Variants in EVL observed in about 807,000 individuals in gnomAD.
The protein encoded by EVL is Enah/Vasp-like.
A neutral mutation model predicts 59.6 loss-of-function variants in EVL; 21 were observed. The observed-to-expected ratio is 0.35, with a 90% CI of 0.25 to 0.51. EVL has a LOEUF of 0.51. EVL is among the 20% of genes least tolerant of loss of function. The pLI is 0.97. For missense variants in EVL, 462 were observed against 546.6 expected (o/e 0.85, Z 1.54); for synonymous variants, 198 against 203.5 (o/e 0.97, Z 0.23).
At chr14:100,100,732 C>T (rs1449490031) in intron 3 of EVL, among the ~76,000 whole-genome samples, 1 of 144,728 alleles carries the variant, frequency 6.9e-6, no homozygotes, top group Non-Finnish European at 1.5e-5. Flanking sequence ...TTGCAGTGAG[C>T]CAAGATTGCA....
At chr14:100,118,397 G>A (rs982039998) in intron 3 of EVL, among the ~76,000 whole-genome samples, 1 of 152,232 alleles carries the variant, frequency 6.6e-6, no homozygotes, top group African/African-American at 2.4e-5. Flanking sequence ...GTCAGAGAGA[G>A]ATGCTATAAA....
chr14:100,073,832 A>G (rs1483288298), intron 1 of EVL, among the ~76,000 whole-genome samples: 1 of 152,174 alleles, frequency 6.6e-6, no homozygotes, highest in African/African-American at 2.4e-5. Context: ...ACCGAGATGA[A>G]CACTACTTTA....
chr14:100,048,866 A>G (rs780418954), intron 1 of EVL, among the ~76,000 whole-genome samples: 4 of 152,252 alleles, frequency 2.6e-5, no homozygotes, highest in Non-Finnish European at 4.4e-5. Flanking sequence ...GTATGATTCT[A>G]TTAACATGAC....
At chr14:100,117,339 C>T (rs1206953907) in intron 3 of EVL, among the ~76,000 whole-genome samples, 1 of 152,212 alleles carries the variant, frequency 6.6e-6, no homozygotes, top group Admixed American at 6.5e-5. Context: ...CAATGTGCCA[C>T]ACTCCTGCCC....
At chr14:100,082,109 G>T (rs900459781) in intron 1 of EVL, among the ~76,000 whole-genome samples, 1 of 152,120 alleles carries the variant, frequency 6.6e-6, no homozygotes, top group Non-Finnish European at 1.5e-5. Context: ...GGGCAACAGA[G>T]TGAGACTCCG....
intron 1 of EVL, among the ~76,000 whole-genome samples, chr14:99,999,461 T>C (rs1223617189): frequency 8.5e-5 from 13 of 152,188 alleles, no homozygotes; most frequent in Admixed American, 8.5e-4. Flanking sequence ...ATATAAAGAA[T>C]GTAGAGCAGT....
intron 1 of EVL, among the ~76,000 whole-genome samples, chr14:99,991,921 A>T (rs1185526849): frequency 6.7e-6 from 1 of 149,148 alleles, no homozygotes; most frequent in African/African-American, 2.5e-5. Context: ...GGAGGGTGGG[A>T]GTTTGCACCC....
At chr14:100,098,193 G>A (rs182366632) in intron 3 of EVL, among the ~76,000 whole-genome samples, 6 of 152,302 alleles carry the variant, frequency 3.9e-5, no homozygotes, top group Admixed American at 3.3e-4. Flanking sequence ...ATAAAGGTAC[G>A]TGCAAGGTAC....
intron 1 of EVL, among the ~76,000 whole-genome samples, chr14:99,983,017 G>A (rs1212843516): frequency 1.3e-5 from 2 of 152,172 alleles, no homozygotes; most frequent in Non-Finnish European, 2.9e-5. Context: ...ATGATATTCA[G>A]TAAAGGTTAG....
rs75746260 is a variant in EVL at position 100,057,558 on chromosome 14, T to C, written c.6-27129T>C. ...GTCTTCCCTCTGGTATAAGAAACAG[T>C]TGGACTTCACAGAGCAGGCAGGCTT... On this transcript the variant is annotated intron_variant, in intron 1 of 13. Transcript: ENST00000402714. Among the ~76,000 whole-genome samples, 1,443 of 152,246 alleles carry C rather than the reference T, an allele frequency of 9.5e-3. 18 individuals are homozygous for C. Among genetic ancestry groups the C allele is most frequent in the African/African-American group, 0.033 (1,355 of 41,520 alleles).
chr14:100,031,216 C>CT (rs2061309809), intron 1 of EVL, among the ~76,000 whole-genome samples: 1 of 152,200 alleles, frequency 6.6e-6, no homozygotes, highest in African/African-American at 2.4e-5. Context: ...CCTCAAACCT[C>CT]TTAAGTCCAA....
At position 100,123,407 on chromosome 14, in the gene EVL, A is replaced by G. The variant is rs572692772; in HGVS notation, c.359-132A>G. On this transcript the variant is annotated intron_variant, in intron 3 of 13. Coordinates refer to ENST00000392920, the MANE Select transcript of EVL (RefSeq NM_016337.3). ...GTGATGCACAGGTGTGAGTGAGGCC[A>G]ACATTTAAAAAGATTCTTAAGGATG... The G allele has an allele frequency of 3.6e-6, 3 of 822,856 alleles. No homozygotes were observed. The South Asian group carries it at 5.0e-5, about 14-fold the overall frequency. The allele number at this position is 822,856 out of a possible 1,614,324, so 51.0% of individuals were successfully genotyped here.
chr14:100,062,910 T>C (rs2061862833), upstream of EVL, among the ~76,000 whole-genome samples: 2 of 152,040 alleles, frequency 1.3e-5, no homozygotes, highest in South Asian at 4.1e-4. Context: ...CTCGGAAACA[T>C]AGCAAGACCC....
Position 100,084,670 on chromosome 14 carries a change from T to C in EVL, c.12-17T>C, listed in dbSNP as rs201112966. 1 of 1,612,508 alleles carries C rather than the reference T, an allele frequency of 6.2e-7. No individual in the cohort carries two copies. Among genetic ancestry groups the C allele is most frequent in the Non-Finnish European group, 8.5e-7 (1 of 1,178,910 alleles). ...CACTGTAGCTGAGGCTGACACCAGT[T>C]TTTTCTTGCTCGGCAGTGAACAGAG... is the stretch of plus-strand genomic sequence containing the variant. On this transcript the variant is annotated splice_polypyrimidine_tract_variant and intron_variant, in intron 1 of 13. Transcript: ENST00000392920.
chr14:100,009,470 A>G (rs1163037599), intron 1 of EVL, among the ~76,000 whole-genome samples: 1 of 152,228 alleles, frequency 6.6e-6, no homozygotes, highest in Admixed American at 6.5e-5. Context: ...CTTGAAAGAC[A>G]TTTTAACATG....
chr14:100,018,950 C>T (rs969815888), intron 1 of EVL, among the ~76,000 whole-genome samples: 6 of 152,002 alleles, frequency 3.9e-5, no homozygotes, highest in Non-Finnish European at 8.8e-5. Context: ...TGGTGAGAAC[C>T]GGGTACCTAC....
intron 6 of EVL, 21 bp downstream of exon 6, chr14:100,128,769 G>C (rs371979522): frequency 6.3e-7 from 1 of 1,592,004 alleles, no homozygotes; most frequent in African/African-American, 1.3e-5. Context: ...CTGTGTGCGG[G>C]GTGGGAATGG....
intron 3 of EVL, among the ~76,000 whole-genome samples, chr14:100,122,850 T>C (rs905081589): frequency 1.3e-5 from 2 of 152,236 alleles, no homozygotes; most frequent in African/African-American, 4.8e-5. Flanking sequence ...ACAGCAGACT[T>C]CGCCTATGCC....
intron 3 of EVL, among the ~76,000 whole-genome samples, chr14:100,120,751 A>T (rs948522526): frequency 2.0e-5 from 3 of 152,154 alleles, no homozygotes; most frequent in Non-Finnish European, 4.4e-5. Flanking sequence ...CTTGAATCTT[A>T]TTCAATGGAG....
Sources: gnomAD v4.1 joint callset for allele counts (sites outside exome capture counted in the v4.1 genomes callset) on GRCh38, gnomAD v4.1.1 for gene constraint, MANE v1.5 for transcripts, NCBI Gene and HGNC (gene_info 2026-07-23, HGNC 2026-07-21) for gene names.